TAFA5: variants seen among roughly 807,000 people sequenced by gnomAD.
TAFA5 encodes the protein TAFA chemokine like family member 5, also known as chemokine-like protein TAFA-5.
In TAFA5, 6 loss-of-function variants were observed where a neutral mutation model predicts 15.3. The ratio of observed to expected loss-of-function variants is 0.39; its 90% confidence interval spans 0.21 to 0.77. TAFA5 has a LOEUF of 0.77. Ranked by LOEUF, TAFA5 falls within the 30% of genes least tolerant of loss-of-function variation. TAFA5 has a pLI of 0.41. For missense variants in TAFA5, 161 were observed against 193.1 expected (o/e 0.83, Z 0.98); for synonymous variants, 103 against 80.7 (o/e 1.28, Z -1.48).
intron 1 of TAFA5, among the ~76,000 whole-genome samples, chr22:48,572,620 A>ATGGGCCTGTTTGGAAGTC (rs1466335886): frequency 1.3e-5 from 2 of 152,142 alleles, no homozygotes; most frequent in African/African-American, 4.8e-5. Flanking sequence ...TTTGTGTGCC[A>ATGGGCCTGTTTGGAAGTC]TGGGCCTGTT....
rs1378214312 is a variant in TAFA5, at chr22:48,560,283, T to A, written c.112+70579T>A. ...GCTGGTGCCGTCAGGCTCCCGGCAT[T>A]GGTGCACCCCGGCATTGGTGTGGCC... On this transcript the variant is annotated intron_variant, in intron 1 of 3. Transcript: ENST00000402357. The surrounding 1 kb of genome is among the most constrained non-coding windows in gnomAD (Gnocchi z 4.2). Among the ~76,000 whole-genome samples, 2 of 152,204 alleles carry A rather than the reference T, an allele frequency of 1.3e-5. No individual in the cohort carries two copies. Among genetic ancestry groups the A allele is most frequent in the African/African-American group, 4.8e-5 (2 of 41,466 alleles).
At chr22:48,513,201 G>A (rs2147102673) in intron 1 of TAFA5, among the ~76,000 whole-genome samples, 1 of 152,340 alleles carries the variant, frequency 6.6e-6, no homozygotes, top group Middle Eastern at 3.4e-3. Flanking sequence ...TCTACAGGAA[G>A]TCCTCACTCC....
intron 2 of TAFA5, chr22:48,693,415 C>T (rs1182968372): frequency 1.2e-6 from 2 of 1,611,718 alleles, no homozygotes; most frequent in Non-Finnish European, 8.5e-7. Context: ...CATAGTGCAG[C>T]CCGTGCAGGC....
intron 3 of TAFA5, among the ~76,000 whole-genome samples, chr22:48,748,516 C>T (rs577427136): frequency 8.7e-4 from 132 of 152,306 alleles, no homozygotes; most frequent in Non-Finnish European, 1.6e-3. Context: ...GTTGGGAAGG[C>T]GTCTGAGGCT....
At chr22:48,610,729 C>T (rs1925373622) in intron 1 of TAFA5, among the ~76,000 whole-genome samples, 2 of 152,190 alleles carry the variant, frequency 1.3e-5, no homozygotes, top group East Asian at 1.9e-4. Context: ...TGTGTTGACT[C>T]CGCCTTGCAG....
chr22:48,576,374 A>C, intron 1 of TAFA5: 1 of 1,116,042 alleles, frequency 9.0e-7, no homozygotes, highest in East Asian at 4.9e-5. Context: ...CGGCGGATGG[A>C]GGGCGCGAGC....
chr22:48,491,386 G>C (rs1291815166), intron 1 of TAFA5, among the ~76,000 whole-genome samples: 1 of 152,086 alleles, frequency 6.6e-6, no homozygotes, highest in African/African-American at 2.4e-5. Flanking sequence ...AGAGGAGAGA[G>C]AGGAGAGGAG....
chr22:48,661,528 A>G (rs1927440639), intron 2 of TAFA5, among the ~76,000 whole-genome samples: 1 of 152,212 alleles, frequency 6.6e-6, no homozygotes, highest in Non-Finnish European at 1.5e-5. Flanking sequence ...GTAGTCAGAC[A>G]TTCTGCTCAT....
chr22:48,508,008 G>A (rs1049563515), intron 1 of TAFA5, among the ~76,000 whole-genome samples: 1 of 152,022 alleles, frequency 6.6e-6, no homozygotes, highest in African/African-American at 2.4e-5. Flanking sequence ...CCGCATGCAG[G>A]GAGGGGTTGT....
intron 1 of TAFA5, among the ~76,000 whole-genome samples, chr22:48,602,298 C>T (rs1925003279): frequency 6.6e-6 from 1 of 152,206 alleles, no homozygotes; most frequent in East Asian, 1.9e-4. Context: ...GGGCCACCCC[C>T]CCACAAGCAC....
chr22:48,694,441 C>T (rs964778415), intron 2 of TAFA5, among the ~76,000 whole-genome samples: 4 of 152,160 alleles, frequency 2.6e-5, no homozygotes, highest in East Asian at 1.9e-4. Flanking sequence ...GGGGCCCTTC[C>T]GGAGTGCAGG....
At chr22:48,739,957 A>G (rs1452779518) in intron 3 of TAFA5, among the ~76,000 whole-genome samples, 1 of 152,046 alleles carries the variant, frequency 6.6e-6, no homozygotes, top group Non-Finnish European at 1.5e-5. Flanking sequence ...CTGCACCCTC[A>G]ACTGTCCAGG....
chr22:48,646,504 T>C (rs9617407), intron 1 of TAFA5, 93 bp from the exon 2 acceptor site: 374,180 of 1,493,986 alleles, frequency 0.25, 47,827 homozygotes, highest in Non-Finnish European at 0.26. Flanking sequence ...GCCTGGCTGC[T>C]GGGGGCCCCT....
chr22:48,630,908 T>C (rs2147189110), intron 1 of TAFA5, among the ~76,000 whole-genome samples: 1 of 152,252 alleles, frequency 6.6e-6, no homozygotes, highest in Admixed American at 6.5e-5. Context: ...CAGGGGCACC[T>C]GCATGGGGGG....
chr22:48,496,754 A>C (rs943414381), intron 1 of TAFA5, among the ~76,000 whole-genome samples: 16 of 152,170 alleles, frequency 1.1e-4, no homozygotes, highest in African/African-American at 3.9e-4. Flanking sequence ...GGGGTGGTCC[A>C]GCCATCAGGG....
At chr22:48,617,740 G>A (rs1277018762) in intron 1 of TAFA5, among the ~76,000 whole-genome samples, 1 of 152,200 alleles carries the variant, frequency 6.6e-6, no homozygotes, top group Non-Finnish European at 1.5e-5. Context: ...GTGCATCCCT[G>A]GTGAGATGTC....
At chr22:48,495,104 C>T (rs1055019844) in intron 1 of TAFA5, among the ~76,000 whole-genome samples, 1 of 152,182 alleles carries the variant, frequency 6.6e-6, no homozygotes, top group South Asian at 2.1e-4. Context: ...TGGAAGAGGC[C>T]TCCCTGTCCC....
intron 1 of TAFA5, among the ~76,000 whole-genome samples, chr22:48,520,199 CT>C (rs1259576757): frequency 8.5e-5 from 13 of 152,270 alleles, no homozygotes; most frequent in African/African-American, 3.1e-4. Context: ...CCTGCCAACA[CT>C]TTGTGGACTT....
chr22:48,645,980 C>T (rs1041781198), intron 1 of TAFA5, among the ~76,000 whole-genome samples: 3 of 152,150 alleles, frequency 2.0e-5, no homozygotes, highest in Non-Finnish European at 2.9e-5. Context: ...GCGTGCACCG[C>T]GCTGTGGGAG....
Sources: allele counts gnomAD v4.1 joint callset (sites outside exome capture counted in the v4.1 genomes callset), GRCh38; gene constraint gnomAD v4.1.1; non-coding constraint Gnocchi (gnomAD v3.1); transcripts MANE v1.5; gene names NCBI Gene and HGNC (gene_info 2026-07-23, HGNC 2026-07-21).